WDR37: variants seen among roughly 807,000 people sequenced by gnomAD.
The protein encoded by WDR37 is WD repeat domain 37.
Under a neutral mutation model 62.9 loss-of-function variants are expected in WDR37, and 19 were observed. That is an observed-to-expected ratio of 0.30 (90% CI 0.21 to 0.44). The LOEUF (loss-of-function observed/expected upper bound fraction) is 0.44. Ranked by LOEUF, WDR37 falls within the 20% of genes least tolerant of loss-of-function variation. The probability of loss-of-function intolerance (pLI) is 1.00; values close to 1 mark genes in which losing one functional copy is unlikely to be tolerated. For missense variants in WDR37, 474 were observed against 657.6 expected (o/e 0.72, Z 3.05); for synonymous variants, 250 against 260.9 (o/e 0.96, Z 0.40).
At chr10:1,071,403 A>G (rs1351716371) in intron 1 of WDR37, among the ~76,000 whole-genome samples, 5 of 152,236 alleles carry the variant, frequency 3.3e-5, no homozygotes, top group Non-Finnish European at 7.3e-5. Context: ...GTGTGTAAAT[A>G]TATTACCTAA....
rs1044345017 is a variant in WDR37 at position 1,130,487 on chromosome 10, C to G, written c.*1143C>G. The G allele has an allele frequency of 2.6e-5, 4 of 152,610 alleles. No individual in the cohort carries two copies. The highest frequency in any genetic ancestry group is 9.6e-5 in the African/African-American group (4 of 41,460). The allele number at this position is 152,610 out of a possible 1,614,324, so 9.5% of individuals were successfully genotyped here. ...GGTGGGGACGCCTCTCAGTGCCAGT[C>G]CCGCCACTGCTGAGTGAGCCTGGTG... On this transcript the variant is annotated 3_prime_UTR_variant, in exon 14 of 14. Coordinates refer to ENST00000263150, the MANE Select transcript of WDR37 (RefSeq NM_014023.4).
chr10:1,093,477 A>G lies in WDR37; in HGVS notation c.630A>G (p.Ser210=). ...TAAATTCTATCAAATTTCATCCCTC[A>G]GAGCAGTTGGCTCTCACTGGTATGT... ...GSVNSIKFHP[S]EQLALTASGD... is the part of the protein sequence containing the mutation. Residue 210 remains serine (S), a synonymous_variant, in exon 8 of 14, where the codon TCA becomes TCG. Coordinates refer to ENST00000263150, the MANE Select transcript of WDR37 (RefSeq NM_014023.4). The G allele has an allele frequency of 1.2e-6, 2 of 1,610,284 alleles. No individual in the cohort carries two copies. The highest frequency in any genetic ancestry group is 1.7e-6 in the Non-Finnish European group (2 of 1,178,878).
At chr10:1,113,006 G>A (rs1388965036) in intron 11 of WDR37, among the ~76,000 whole-genome samples, 1 of 152,354 alleles carries the variant, frequency 6.6e-6, no homozygotes, top group African/African-American at 2.4e-5. Context: ...AGACAAAACA[G>A]CCTTCTGTTA....
chr10:1,117,093 C>T (rs1383458151), intron 11 of WDR37, among the ~76,000 whole-genome samples: 4 of 152,270 alleles, frequency 2.6e-5, no homozygotes, highest in South Asian at 2.1e-4. Flanking sequence ...GTCACCCTCT[C>T]GCCTAGGCTG....
chr10:1,064,080 C>T (rs571922333), intron 1 of WDR37, among the ~76,000 whole-genome samples: 33 of 152,002 alleles, frequency 2.2e-4, no homozygotes, highest in Admixed American at 1.2e-3. Context: ...TCGAGACAAA[C>T]GACAAATAGC....
chr10:1,068,619 ATC>A (rs1227755279), intron 1 of WDR37, among the ~76,000 whole-genome samples: 1 of 152,118 alleles, frequency 6.6e-6, no homozygotes, highest in African/African-American at 2.4e-5. Flanking sequence ...GGATAACTGA[ATC>A]TCTCATGTGT....
chr10:1,099,317 G>C (rs1307332293), intron 9 of WDR37, among the ~76,000 whole-genome samples: 1 of 152,252 alleles, frequency 6.6e-6, no homozygotes, highest in African/African-American at 2.4e-5. Context: ...GGTGGGAACA[G>C]TGCCAGGCAG....
At chr10:1,117,183 T>C (rs1350880065) in intron 11 of WDR37, among the ~76,000 whole-genome samples, 1 of 152,092 alleles carries the variant, frequency 6.6e-6, no homozygotes, top group Admixed American at 6.6e-5. Context: ...CCCTCCTGAG[T>C]AGCAGGGACT....
rs1833199018 is a variant in WDR37, at chr10:1,056,981, A to G, written c.-41+13A>G. On this transcript the variant is annotated intron_variant, in intron 1 of 13. Coordinates refer to ENST00000263150, the MANE Select transcript of WDR37 (RefSeq NM_014023.4). ...GCTGCTGTGACAGGTGAGTGCCGCC[A>G]TCTTCCTACCTGTCAGGCGCCGAGT... 6.6e-6 allele frequency: 1 copy of G among 152,632 alleles called. No individual in the cohort carries two copies. The highest frequency in any genetic ancestry group is 2.0e-4 in the South Asian group (1 of 4,908). The allele number at this position is 152,632 out of a possible 1,614,324, so 9.5% of individuals were successfully genotyped here.
chr10:1,066,027 C>CTT (rs3053734), intron 1 of WDR37, among the ~76,000 whole-genome samples: 1 of 152,138 alleles, frequency 6.6e-6, no homozygotes, highest in Non-Finnish European at 1.5e-5. Flanking sequence ...TAGCAATTAA[C>CTT]GTGGAAACCA....
intron 1 of WDR37, among the ~76,000 whole-genome samples, chr10:1,058,547 A>G (rs1268015281): frequency 6.6e-6 from 1 of 152,230 alleles, no homozygotes; most frequent in East Asian, 1.9e-4. Context: ...TCCTTGGTTT[A>G]AAGTTGTTCT....
intron 1 of WDR37, among the ~76,000 whole-genome samples, chr10:1,062,789 A>T (rs979828296): frequency 1.3e-5 from 2 of 152,168 alleles, no homozygotes; most frequent in East Asian, 3.9e-4. Flanking sequence ...GACATATATA[A>T]AACAAATGTA....
At chr10:1,126,181 A>G (rs113452412) in intron 13 of WDR37, among the ~76,000 whole-genome samples, 235 of 152,170 alleles carry the variant, frequency 1.5e-3, no homozygotes, top group South Asian at 4.6e-3. Context: ...TGAGGCGGGC[A>G]GATCACGAGG....
chr10:1,129,424 C>A lies in WDR37; in HGVS notation c.*80C>A. The A allele has an allele frequency of 6.3e-7, 1 of 1,575,032 alleles. No homozygotes were observed. Among genetic ancestry groups the A allele is most frequent in the African/African-American group, 1.3e-5 (1 of 74,140 alleles). On this transcript the variant is annotated 3_prime_UTR_variant, in exon 14 of 14. Coordinates refer to ENST00000263150, the MANE Select transcript of WDR37 (RefSeq NM_014023.4). ...CAGGCTTTTCTGCGTATTAATCAGC[C>A]ATTTTTGTGAGAGTTTGACCCTGGA...
At chr10:1,092,059 G>A (rs10903364) in intron 7 of WDR37, among the ~76,000 whole-genome samples, 60,645 of 150,418 alleles carry the variant, frequency 0.4, 12,624 homozygotes, top group African/African-American at 0.5. Flanking sequence ...GGGCGCCTGT[G>A]GTCCCAGCTA....
At chr10:1,110,935 G>T (rs759271343) in intron 11 of WDR37, among the ~76,000 whole-genome samples, 1 of 152,238 alleles carries the variant, frequency 6.6e-6, no homozygotes, top group Non-Finnish European at 1.5e-5. Context: ...TAGCTCTGCC[G>T]GTTTTACAGG....
chr10:1,098,453 G>A (rs1459805082), intron 9 of WDR37, among the ~76,000 whole-genome samples: 3 of 149,738 alleles, frequency 2.0e-5, no homozygotes, highest in East Asian at 2.0e-4. Context: ...TCAGCCTCCC[G>A]AGTAGCTGGG....
intron 1 of WDR37, among the ~76,000 whole-genome samples, chr10:1,062,903 T>C (rs1479861130): frequency 3.3e-5 from 5 of 152,138 alleles, no homozygotes; most frequent in African/African-American, 4.8e-5. Context: ...CTGGTCAATA[T>C]GGTGAAACCT....
At chr10:1,095,688 C>T (rs1834552671) in intron 8 of WDR37, among the ~76,000 whole-genome samples, 1 of 152,192 alleles carries the variant, frequency 6.6e-6, no homozygotes, top group African/African-American at 2.4e-5. Flanking sequence ...TCCTCGCAAA[C>T]TGGCTGCTGA....
Sources: gnomAD v4.1 joint callset for allele counts (sites outside exome capture counted in the v4.1 genomes callset) on GRCh38, gnomAD v4.1.1 for gene constraint, MANE v1.5 for transcripts, NCBI Gene and HGNC (gene_info 2026-07-23, HGNC 2026-07-21) for gene names.